The following HDAC9 variants were observed in gnomAD, a reference collection of about 807,000 sequenced individuals.
HDAC9 encodes the protein histone deacetylase 9.
A neutral mutation model predicts 139.4 loss-of-function variants in HDAC9; 41 were observed. The observed-to-expected ratio is 0.29, with a 90% CI of 0.23 to 0.38. The LOEUF is 0.38. HDAC9 is among the 10% of genes least tolerant of loss of function. The pLI, the probability that HDAC9 is intolerant of heterozygous loss-of-function variation, is 1.00. For missense variants in HDAC9, 1,147 were observed against 1,297.0 expected (o/e 0.88, Z 1.78); for synonymous variants, 517 against 476.2 (o/e 1.09, Z -1.12).
At chr7:18,328,129 A>G (rs1800612508) in intron 1 of HDAC9, among the ~76,000 whole-genome samples, 1 of 152,026 alleles carries the variant, frequency 6.6e-6, no homozygotes, top group Non-Finnish European at 1.5e-5. Context: ...AACTTAACCC[A>G]TGAGTATTTT....
chr7:18,203,044 A>G (rs968335810), intron 2 of HDAC9, among the ~76,000 whole-genome samples: 5 of 152,208 alleles, frequency 3.3e-5, no homozygotes, highest in Non-Finnish European at 7.3e-5. Context: ...GTGAGCTGTT[A>G]AAACAGTCCC....
At chr7:18,484,147 A>G (rs1489084220) in intron 1 of HDAC9, among the ~76,000 whole-genome samples, 1 of 149,010 alleles carries the variant, frequency 6.7e-6, no homozygotes, top group East Asian at 2.0e-4. Flanking sequence ...GTTCAAGCCT[A>G]GGCAACAAAG....
At chr7:18,228,608 A>T (rs1460942452) in intron 2 of HDAC9, among the ~76,000 whole-genome samples, 1 of 152,174 alleles carries the variant, frequency 6.6e-6, no homozygotes, top group African/African-American at 2.4e-5. Flanking sequence ...AAGGAACTGC[A>T]GTTGAAGGAC....
At chr7:18,444,013 G>A (rs1430816977) in intron 1 of HDAC9, among the ~76,000 whole-genome samples, 2 of 151,848 alleles carry the variant, frequency 1.3e-5, no homozygotes, top group African/African-American at 4.8e-5. Context: ...TCTATCTGAA[G>A]GAGAAAAGTT....
At chr7:18,944,234 C>T (rs916304012) in intron 23 of HDAC9, among the ~76,000 whole-genome samples, 12 of 152,236 alleles carry the variant, frequency 7.9e-5, no homozygotes, top group Admixed American at 7.2e-4. Flanking sequence ...CTTCCCTTGT[C>T]CTCTTGGTCT....
chr7:18,220,998 T>G (rs1299332112), intron 2 of HDAC9, among the ~76,000 whole-genome samples: 1 of 152,196 alleles, frequency 6.6e-6, no homozygotes, highest in Non-Finnish European at 1.5e-5. Flanking sequence ...TGACCTCACT[T>G]TTACTTTTTA....
intron 2 of HDAC9, among the ~76,000 whole-genome samples, chr7:18,186,149 T>C (rs1455354788): frequency 6.6e-6 from 1 of 152,240 alleles, no homozygotes. Context: ...TCTAAAGTTA[T>C]ATTTCTTGTT....
chr7:18,170,767 G>C (rs577662115), intron 2 of HDAC9, among the ~76,000 whole-genome samples: 1 of 152,190 alleles, frequency 6.6e-6, no homozygotes, highest in South Asian at 2.1e-4. Flanking sequence ...GATGTGTGGT[G>C]TTATTTCTGA....
intron 16 of HDAC9, among the ~76,000 whole-genome samples, chr7:18,786,896 G>A (rs1334099732): frequency 1.4e-5 from 2 of 145,392 alleles, no homozygotes. Flanking sequence ...GCTGGCCCCT[G>A]CTGATGCACA....
intron 22 of HDAC9, among the ~76,000 whole-genome samples, chr7:18,897,063 T>G (rs1801265593): frequency 6.6e-6 from 1 of 152,058 alleles, no homozygotes; most frequent in African/African-American, 2.4e-5. Context: ...TATGCTCATT[T>G]TTTCTAGTTT....
intron 22 of HDAC9, among the ~76,000 whole-genome samples, chr7:18,918,099 G>A (rs1488544612): frequency 6.6e-6 from 1 of 152,070 alleles, no homozygotes; most frequent in Non-Finnish European, 1.5e-5. Context: ...TCAAGTCGAT[G>A]TGCAAAGAAA....
At chr7:18,571,727 T>C (rs1016634395) in intron 2 of HDAC9, among the ~76,000 whole-genome samples, 1 of 152,102 alleles carries the variant, frequency 6.6e-6, no homozygotes, top group African/African-American at 2.4e-5. Context: ...ATTCCTGTTA[T>C]GCAGGACTGA....
Position 18,452,423 on chromosome 7 carries a change from C to T in HDAC9, c.-41-43839C>T, listed in dbSNP as rs147065514. Among the ~76,000 whole-genome samples, 1,401 of 152,164 alleles carry T rather than the reference C, an allele frequency of 9.2e-3. 20 individuals carry two copies. The highest frequency in any genetic ancestry group is 0.032 in the African/African-American group (1,317 of 41,514). On this transcript the variant is annotated intron_variant, in intron 1 of 3. Transcript: ENST00000413509. ...CATGTCTTCCAATTGAGGGTCACAA[C>T]CTGGAGTGTGGGCTTGATTTGTCAA...
chr7:18,217,484 C>A (rs1024424828), intron 2 of HDAC9, among the ~76,000 whole-genome samples: 1 of 151,992 alleles, frequency 6.6e-6, no homozygotes, highest in African/African-American at 2.4e-5. Context: ...GAATATTTAG[C>A]TTTCTTATTT....
rs1047293638 is a variant in HDAC9 at position 18,607,628 on chromosome 7, G to A, written c.664+13599G>A. ...AATGTAATTATTGAAGAACTAGAAT[G>A]GCAAAAGGAGACTTAAGTTTTAATC... On this transcript the variant is annotated intron_variant, in intron 6 of 25. Transcript: ENST00000686413. Among the ~76,000 whole-genome samples, 3 of 152,260 alleles carry A rather than the reference G, an allele frequency of 2.0e-5. No individual in the cohort carries two copies. In the South Asian group the frequency reaches 6.2e-4, roughly 32 times the overall value.
In HDAC9 at chr7:18,947,446, G is replaced by A. The variant is rs186517541; in HGVS notation, c.2938-6700G>A. 3.6e-3 allele frequency among the ~76,000 whole-genome samples: 540 copies of A among 151,782 alleles called. 3 individuals are homozygous for A. The highest frequency in any genetic ancestry group is 0.017 in the Middle Eastern group (5 of 294). On this transcript the variant is annotated intron_variant, in intron 23 of 25. Transcript: ENST00000686413. ...CAGATTTTAATGTTATTAAAAGGATGACAAGAAAATATTAAAATAAACTTT... is the reference window on the plus strand; with the variant it reads ...CAGATTTTAATGTTATTAAAAGGATAACAAGAAAATATTAAAATAAACTTT...
chr7:18,087,637 C>T (rs757695400), intron 1 of HDAC9, among the ~76,000 whole-genome samples: 23 of 152,210 alleles, frequency 1.5e-4, no homozygotes, highest in Non-Finnish European at 2.8e-4. Flanking sequence ...AGTTTTAAGT[C>T]AATACATCAG....
chr7:18,381,412 T>C (rs1197343106), intron 1 of HDAC9, among the ~76,000 whole-genome samples: 1 of 151,982 alleles, frequency 6.6e-6, no homozygotes, highest in African/African-American at 2.4e-5. Context: ...CAGTAAAGTA[T>C]AAATTAATAT....
chr7:18,300,070 C>T (rs984719687), intron 1 of HDAC9, among the ~76,000 whole-genome samples: 34 of 152,206 alleles, frequency 2.2e-4, no homozygotes, highest in African/African-American at 8.0e-4. Context: ...ACAGCAGCCT[C>T]TCTCTAGATC....
Sources: gnomAD v4.1 joint callset for allele counts (sites outside exome capture counted in the v4.1 genomes callset) on GRCh38, gnomAD v4.1.1 for gene constraint, MANE v1.5 for transcripts, NCBI Gene and HGNC (gene_info 2026-07-23, HGNC 2026-07-21) for gene names.